Variants in PTPRK observed in about 807,000 individuals in gnomAD.
PTPRK encodes the protein receptor-type tyrosine-protein phosphatase kappa.
PTPRK carries 75 observed loss-of-function variants against 178.0 expected under a neutral mutation model. The ratio of observed to expected loss-of-function variants is 0.42; its 90% CI spans 0.35 to 0.51. The LOEUF is 0.51. Ranked by LOEUF, PTPRK falls within the 20% of genes least tolerant of loss-of-function variation. The pLI is 0.02. For synonymous variants in PTPRK, 637 were observed against 620.6 expected (o/e 1.03, Z -0.39); for missense variants, 1,441 against 1,797.8 (o/e 0.80, Z 3.59).
At chr6:128,311,404 A>G (rs989690718) in intron 3 of PTPRK, among the ~76,000 whole-genome samples, 3 of 152,144 alleles carry the variant, frequency 2.0e-5, no homozygotes, top group African/African-American at 7.2e-5. Flanking sequence ...GAGTGGTCCA[A>G]GCACCGAGGA....
intron 1 of PTPRK, among the ~76,000 whole-genome samples, chr6:128,441,805 C>T (rs777844495): frequency 2.0e-5 from 3 of 152,232 alleles, no homozygotes; most frequent in Non-Finnish European, 4.4e-5. Context: ...GTCACTATTG[C>T]AGTAATAACA....
intron 1 of PTPRK, among the ~76,000 whole-genome samples, chr6:128,458,253 G>A (rs557821175): frequency 6.6e-6 from 1 of 152,202 alleles, no homozygotes; most frequent in East Asian, 1.9e-4. Context: ...GCAAAAAAAG[G>A]AAACAGGGCC....
At chr6:128,391,800 T>C (rs1376844867) in intron 2 of PTPRK, among the ~76,000 whole-genome samples, 2 of 151,700 alleles carry the variant, frequency 1.3e-5, no homozygotes, top group Non-Finnish European at 1.5e-5. Context: ...TAATAAATTA[T>C]TACTAAATTA....
intron 3 of PTPRK, among the ~76,000 whole-genome samples, chr6:128,299,618 C>A (rs1009128089): frequency 6.6e-6 from 1 of 150,968 alleles, no homozygotes; most frequent in African/African-American, 2.5e-5. Flanking sequence ...ACAAGCAATG[C>A]GGAAAGGATT....
chr6:127,969,717 A>C lies in PTPRK; in HGVS notation c.*510T>G, dbSNP rs957369494. On this transcript the variant is annotated 3_prime_UTR_variant, in exon 30 of 30. Coordinates refer to ENST00000368226, the MANE Select transcript of PTPRK (RefSeq NM_002844.4). ...TCCAGCCATCATTGCACATTAAAAG[A>C]AAATAAGCCAGTTATATATATTTAT... 9 of 152,100 alleles carry C rather than the reference A, an allele frequency of 5.9e-5. No homozygotes were observed. The highest frequency in any genetic ancestry group is 2.2e-4 in the African/African-American group (9 of 41,454). The allele number at this position is 152,100 out of a possible 1,614,324, so 9.4% of individuals were successfully genotyped here.
At position 128,519,916 on chromosome 6, in the gene PTPRK, A is replaced by C. The variant is rs1361067417; in HGVS notation, c.100+343T>G. Reference sequence around the variant, plus strand: ...GCAGACAGCAACAAACCCGCACCACAAGCAACAGAGTGCCGTCACGGGAGT... The same window carrying C: ...GCAGACAGCAACAAACCCGCACCACCAGCAACAGAGTGCCGTCACGGGAGT... On this transcript the variant is annotated intron_variant, in intron 1 of 29. Coordinates refer to ENST00000368226, the MANE Select transcript of PTPRK (RefSeq NM_002844.4). The surrounding 1 kb of genome is among the most constrained non-coding windows in gnomAD (Gnocchi z 4.3). 6.6e-6 allele frequency among the ~76,000 whole-genome samples: 1 copy of C among 152,154 alleles called. No homozygotes were observed. Among genetic ancestry groups the C allele is most frequent in the Non-Finnish European group, 1.5e-5 (1 of 68,034 alleles).
intron 28 of PTPRK, among the ~76,000 whole-genome samples, chr6:127,973,436 C>A (rs78765881): frequency 6.6e-6 from 1 of 152,084 alleles, no homozygotes; most frequent in African/African-American, 2.4e-5. Flanking sequence ...GAAGTTGTTA[C>A]GAGTAGTGTT....
intron 15 of PTPRK, chr6:128,001,080 TGACTA>T (rs1777779081): frequency 1.4e-6 from 1 of 721,936 alleles, no homozygotes; most frequent in African/African-American, 1.8e-5. Context: ...CCTAATAATG[TGACTA>T]GTAGTGAGGG....
chr6:128,423,054 A>T (rs970157916), intron 1 of PTPRK, among the ~76,000 whole-genome samples: 38 of 152,248 alleles, frequency 2.5e-4, no homozygotes, highest in African/African-American at 9.2e-4. Context: ...TTAATGCAGG[A>T]TCTGACCATT....
intron 1 of PTPRK, chr6:128,491,713 A>T (rs373079958): frequency 1.6e-4 from 79 of 494,392 alleles, no homozygotes; most frequent in African/African-American, 1.1e-3. Flanking sequence ...TTAATCTATC[A>T]TTTTTTTTCT....
At chr6:128,512,345 A>G (rs2128443839) in intron 1 of PTPRK, among the ~76,000 whole-genome samples, 1 of 152,346 alleles carries the variant, frequency 6.6e-6, no homozygotes, top group South Asian at 2.1e-4. Flanking sequence ...CTATTATCCC[A>G]AACTCCAGCT....
At chr6:127,988,257 G>A (rs1171367422) in intron 21 of PTPRK, among the ~76,000 whole-genome samples, 1 of 150,130 alleles carries the variant, frequency 6.7e-6, no homozygotes, top group African/African-American at 2.5e-5. Flanking sequence ...GAGCTCCAGA[G>A]AATGCTATCT....
In PTPRK at chr6:128,356,831, A is replaced by G. The variant is rs570784136; in HGVS notation, c.224-34521T>C. On this transcript the variant is annotated intron_variant, in intron 2 of 29. Transcript: ENST00000368226. ...CTATTTTATTCATTCTATGTCACTC[A>G]GACAACCAGGATCAGAGTTGAAATT... is the stretch of plus-strand genomic sequence containing the variant. Among the ~76,000 whole-genome samples, 31 of 152,344 alleles carry G rather than the reference A, an allele frequency of 2.0e-4. 1 individual carries two copies. In the South Asian group the frequency reaches 2.1e-3, roughly 10 times the overall value.
At chr6:128,187,350 A>T (rs1314090235) in intron 6 of PTPRK, among the ~76,000 whole-genome samples, 1 of 152,170 alleles carries the variant, frequency 6.6e-6, no homozygotes, top group Non-Finnish European at 1.5e-5. Flanking sequence ...GATATATAAA[A>T]GAAAACAAAA....
At chr6:127,975,794 C>T (rs995979705) in intron 27 of PTPRK, among the ~76,000 whole-genome samples, 3 of 152,110 alleles carry the variant, frequency 2.0e-5, no homozygotes, top group Admixed American at 2.0e-4. Context: ...GCCTCAGCCT[C>T]CCCACTAGCT....
intron 1 of PTPRK, among the ~76,000 whole-genome samples, chr6:128,481,394 G>A (rs1206244344): frequency 6.6e-6 from 1 of 152,034 alleles, no homozygotes; most frequent in Non-Finnish European, 1.5e-5. Context: ...TACATTGATG[G>A]ATGTTTACAA....
In PTPRK at chr6:128,442,361, A is replaced by G. The variant is rs569854654; in HGVS notation, c.101-44673T>C. 3.3e-5 allele frequency among the ~76,000 whole-genome samples: 5 copies of G among 152,172 alleles called. No homozygotes were observed. In the East Asian group the frequency reaches 9.7e-4, roughly 29 times the overall value. The stretch of plus-strand genomic sequence containing the variant: ...CTTCTTTTCCTTCAATGGTGGTGGG[A>G]TCAGCATTGACTAGGGATCTAAGTC... On this transcript the variant is annotated intron_variant, in intron 1 of 29. Coordinates refer to ENST00000368226, the MANE Select transcript of PTPRK (RefSeq NM_002844.4).
At chr6:128,511,198 A>T (rs1448500535) in intron 1 of PTPRK, among the ~76,000 whole-genome samples, 37 of 152,192 alleles carry the variant, frequency 2.4e-4, no homozygotes, top group Non-Finnish European at 7.3e-5. Context: ...CCAGACACAA[A>T]TTGCCTCTTT....
intron 7 of PTPRK, among the ~76,000 whole-genome samples, chr6:128,130,708 A>G (rs1447775761): frequency 6.6e-6 from 1 of 152,200 alleles, no homozygotes; most frequent in Non-Finnish European, 1.5e-5. Flanking sequence ...TGGCAATTAC[A>G]TTAAACACTC....
Sources: allele counts gnomAD v4.1 joint callset (sites outside exome capture counted in the v4.1 genomes callset), GRCh38; gene constraint gnomAD v4.1.1; non-coding constraint Gnocchi (gnomAD v3.1); transcripts MANE v1.5; gene names NCBI Gene and HGNC (gene_info 2026-07-23, HGNC 2026-07-21).